The following CDH2 variants were observed in gnomAD, a reference collection of about 807,000 sequenced individuals.
CDH2 encodes cadherin 2.
A neutral mutation model predicts 92.0 loss-of-function variants in CDH2; 17 were observed. The observed-to-expected ratio is 0.18, with a 90% CI of 0.13 to 0.28. The LOEUF (loss-of-function observed/expected upper bound fraction) is 0.28. CDH2 is among the 10% of genes least tolerant of loss of function. The pLI is 1.00. For missense variants in CDH2, 862 were observed against 1,133.1 expected, an observed-to-expected ratio of 0.76 and a Z score of 3.44; for synonymous variants, 419 against 415.9, an observed-to-expected ratio of 1.01 and a Z score of -0.09.
intron 15 of CDH2, among the ~76,000 whole-genome samples, chr18:27,957,360 C>T (rs1021828090): frequency 2.6e-5 from 4 of 152,080 alleles, no homozygotes; most frequent in Admixed American, 2.6e-4. Context: ...GGTGATCCTC[C>T]CACCTCAGCC....
intron 2 of CDH2, among the ~76,000 whole-genome samples, chr18:28,072,396 G>A (rs1033200944): frequency 1.3e-5 from 2 of 152,084 alleles, no homozygotes; most frequent in African/African-American, 4.8e-5. Flanking sequence ...TTCCTCTTCA[G>A]TGCCTCCTAT....
chr18:28,176,734 C>T (rs1011771477), intron 1 of CDH2, among the ~76,000 whole-genome samples: 1 of 151,844 alleles, frequency 6.6e-6, no homozygotes, highest in African/African-American at 2.4e-5. Context: ...GCCCCTAGAG[C>T]CCCGCCAGGA....
chr18:28,008,596 G>C (rs983421842), intron 5 of CDH2, among the ~76,000 whole-genome samples: 2 of 152,058 alleles, frequency 1.3e-5, no homozygotes, highest in Non-Finnish European at 2.9e-5. Context: ...GGCCTGTCGT[G>C]GGGTGGGATG....
intron 6 of CDH2, among the ~76,000 whole-genome samples, chr18:28,005,406 C>T (rs1023264644): frequency 2.0e-5 from 3 of 152,176 alleles, no homozygotes; most frequent in Non-Finnish European, 4.4e-5. Flanking sequence ...TATGACTTCG[C>T]CACCTAGTCC....
chr18:27,980,133 C>T (rs1449066323), intron 14 of CDH2, among the ~76,000 whole-genome samples: 1 of 152,156 alleles, frequency 6.6e-6, no homozygotes, highest in Admixed American at 6.5e-5. Context: ...CAGAACTCTG[C>T]CTTTAAAAAC....
chr18:28,091,367 C>T (rs1417503965), intron 2 of CDH2, among the ~76,000 whole-genome samples: 1 of 152,210 alleles, frequency 6.6e-6, no homozygotes, highest in African/African-American at 2.4e-5. Context: ...TACTCTGTAA[C>T]GAATTGGATT....
At chr18:28,094,569 C>T (rs1285758239) in intron 2 of CDH2, among the ~76,000 whole-genome samples, 5 of 151,218 alleles carry the variant, frequency 3.3e-5, no homozygotes, top group South Asian at 2.1e-4. Context: ...CTGAGGCGGG[C>T]GGATCACAAG....
intron 1 of CDH2, among the ~76,000 whole-genome samples, chr18:28,152,518 T>C (rs890418683): frequency 8.6e-5 from 13 of 152,008 alleles, no homozygotes; most frequent in Non-Finnish European, 1.5e-4. Context: ...AGGAAAGCCA[T>C]CCTAGGCAGT....
At chr18:28,025,839 C>A (rs1370738782) in intron 2 of CDH2, among the ~76,000 whole-genome samples, 1 of 151,964 alleles carries the variant, frequency 6.6e-6, no homozygotes, top group Non-Finnish European at 1.5e-5. Context: ...TGAATATTAT[C>A]CCTTCAAATA....
chr18:28,072,432 G>A (rs990755687), intron 2 of CDH2, among the ~76,000 whole-genome samples: 8 of 152,024 alleles, frequency 5.3e-5, no homozygotes, highest in African/African-American at 9.7e-5. Flanking sequence ...TACTCAACCC[G>A]GAAGATCCCA....
intron 2 of CDH2, among the ~76,000 whole-genome samples, chr18:28,139,830 T>C (rs980142180): frequency 3.3e-5 from 5 of 152,034 alleles, no homozygotes; most frequent in Non-Finnish European, 7.4e-5. Context: ...GTGATTTTAT[T>C]ACCCTGTGTC....
At chr18:28,051,072 G>T (rs973163039) in intron 2 of CDH2, among the ~76,000 whole-genome samples, 6 of 152,018 alleles carry the variant, frequency 3.9e-5, no homozygotes, top group Non-Finnish European at 8.8e-5. Context: ...TAATCCATAT[G>T]CATATTGTAA....
intron 2 of CDH2, among the ~76,000 whole-genome samples, chr18:28,037,824 A>G (rs1485475650): frequency 2.0e-5 from 3 of 152,190 alleles, no homozygotes. Context: ...CCTAAAGGCT[A>G]GCAAAGCTCT....
At chr18:28,061,382 G>A (rs909683822) in intron 2 of CDH2, among the ~76,000 whole-genome samples, 2 of 152,134 alleles carry the variant, frequency 1.3e-5, no homozygotes, top group African/African-American at 4.8e-5. Flanking sequence ...GGTGGCTCAT[G>A]CCTGAAATCA....
intron 2 of CDH2, among the ~76,000 whole-genome samples, chr18:28,140,403 TA>T (rs1438298778): frequency 6.6e-6 from 1 of 152,020 alleles, no homozygotes; most frequent in African/African-American, 2.4e-5. Context: ...TGTATCCCCC[TA>T]AATTTCACAT....
At chr18:28,147,609 T>A (rs2016055749) in intron 2 of CDH2, 64 bp downstream of exon 2, 2 of 1,018,156 alleles carry the variant, frequency 2.0e-6, no homozygotes, top group Admixed American at 2.1e-5. Context: ...TAGGCTTTTT[T>A]AATGGCTAAT....
At chr18:28,071,455 G>C (rs965738693) in intron 2 of CDH2, among the ~76,000 whole-genome samples, 1 of 152,112 alleles carries the variant, frequency 6.6e-6, no homozygotes, top group Non-Finnish European at 1.5e-5. Flanking sequence ...GGGACATTCT[G>C]TCCGTAACTG....
chr18:28,137,575 AAAAAACAAAAAC>A lies in CDH2; in HGVS notation c.172+10086_172+10097del, dbSNP rs371188761. On this transcript the variant is annotated intron_variant, in intron 2 of 15. Transcript: ENST00000269141. The stretch of plus-strand genomic sequence containing the variant: ...TCAAAACATGAAGGTATTAAAGGCA[AAAAAACAAAAAC>A]AAAAACAAAAACAAAAACAAAAAAC... Among the ~76,000 whole-genome samples, 43 of 151,338 alleles carry A rather than the reference AAAAAACAAAAAC, an allele frequency of 2.8e-4. 1 individual carries two copies. Among genetic ancestry groups the A allele is most frequent in the South Asian group, 2.3e-3 (11 of 4,796 alleles).
At chr18:28,078,635 C>T (rs2014770321) in intron 2 of CDH2, among the ~76,000 whole-genome samples, 1 of 151,952 alleles carries the variant, frequency 6.6e-6, no homozygotes, top group South Asian at 2.1e-4. Context: ...ATTCTCCCTT[C>T]CAATACAGTG....
Sources: allele counts gnomAD v4.1 joint callset (sites outside exome capture counted in the v4.1 genomes callset), GRCh38; gene constraint gnomAD v4.1.1; transcripts MANE v1.5; gene names NCBI Gene and HGNC (gene_info 2026-07-23, HGNC 2026-07-21).